Variants in GFRA1 observed in about 807,000 individuals in gnomAD.
GFRA1 encodes the protein GDNF family receptor alpha-1.
GFRA1 carries 16 observed loss-of-function variants against 51.6 expected under a neutral mutation model. The observed-to-expected ratio is 0.31, with a 90% CI of 0.21 to 0.47. GFRA1 has a LOEUF of 0.47. Ranked by LOEUF, GFRA1 falls within the 20% of genes least tolerant of loss-of-function variation. The probability of loss-of-function intolerance (pLI) is 1.00; values close to 1 mark genes in which losing one functional copy is unlikely to be tolerated. For synonymous variants in GFRA1, 270 were observed against 241.3 expected (o/e 1.12, Z -1.10); for missense variants, 530 against 594.3 (o/e 0.89, Z 1.13).
intron 5 of GFRA1, among the ~76,000 whole-genome samples, chr10:116,130,545 G>C (rs1377645390): frequency 6.6e-6 from 1 of 152,090 alleles, no homozygotes; most frequent in African/African-American, 2.4e-5. Flanking sequence ...GTGTGGTACA[G>C]TATAGGCATA....
chr10:116,204,568 C>A (rs1235017883), intron 5 of GFRA1, among the ~76,000 whole-genome samples: 1 of 152,156 alleles, frequency 6.6e-6, no homozygotes, highest in Non-Finnish European at 1.5e-5. Flanking sequence ...CCTGGAGCAT[C>A]TTCTAGTGCC....
rs1236773289 is a variant in GFRA1 at position 116,211,620 on chromosome 10, A to C, written c.433+11T>G. On this transcript the variant is annotated intron_variant, in intron 5 of 10. Coordinates refer to ENST00000355422, the MANE Select transcript of GFRA1 (RefSeq NM_005264.8). ...GCCAGTGAAAAAGCAGGCAGGAAAC[A>C]GTGAACTTACCTTGCTGAAAAACAT... is the stretch of plus-strand genomic sequence containing the variant. 6.4e-7 allele frequency: 1 copy of C among 1,550,568 alleles called. No individual in the cohort carries two copies. Among genetic ancestry groups the C allele is most frequent in the Admixed American group, 2.0e-5 (1 of 51,004 alleles).
chr10:116,146,361 T>C (rs1480519568), intron 5 of GFRA1, among the ~76,000 whole-genome samples: 2 of 152,250 alleles, frequency 1.3e-5, no homozygotes, highest in Non-Finnish European at 2.9e-5. Context: ...GAGAACCATA[T>C]TAGTTTGAGT....
chr10:116,124,873 C>T (rs1957788929), intron 6 of GFRA1, among the ~76,000 whole-genome samples: 1 of 152,164 alleles, frequency 6.6e-6, no homozygotes, highest in Non-Finnish European at 1.5e-5. Flanking sequence ...ACTGGCAGCC[C>T]TCAGGACTTG....
intron 5 of GFRA1, among the ~76,000 whole-genome samples, chr10:116,206,270 CA>C (rs1161769083): frequency 1.3e-5 from 2 of 152,104 alleles, no homozygotes; most frequent in African/African-American, 2.4e-5. Context: ...AAGACATTAT[CA>C]GGGGGAGCAT....
intron 4 of GFRA1, among the ~76,000 whole-genome samples, chr10:116,221,582 G>A (rs981080411): frequency 5.9e-5 from 9 of 152,012 alleles, no homozygotes; most frequent in African/African-American, 1.9e-4. Context: ...GTGCCACCAC[G>A]GCCAGCTAAT....
chr10:116,159,095 C>CT, intron 5 of GFRA1, among the ~76,000 whole-genome samples: 1 of 152,308 alleles, frequency 6.6e-6, no homozygotes, highest in South Asian at 2.1e-4. Flanking sequence ...CTATATTCAA[C>CT]TATGGACAAT....
In GFRA1 at chr10:116,064,382, TA is replaced by T; in HGVS notation, c.*15del. The T allele has an allele frequency of 6.2e-7, 1 of 1,609,308 alleles. No homozygotes were observed. The highest frequency in any genetic ancestry group is 8.5e-7 in the Non-Finnish European group (1 of 1,177,460). The stretch of plus-strand genomic sequence containing the variant: ...TTTGTCTTTTTACATGTCCATATTG[TA>T]TTTTTTTAATGCAGCTATGATGTTT... On this transcript the variant is annotated 3_prime_UTR_variant, in exon 11 of 11. Coordinates refer to ENST00000355422, the MANE Select transcript of GFRA1 (RefSeq NM_005264.8).
intron 4 of GFRA1, among the ~76,000 whole-genome samples, chr10:116,240,135 C>A (rs1967235482): frequency 6.6e-6 from 1 of 152,132 alleles, no homozygotes; most frequent in South Asian, 2.1e-4. Context: ...CAAGAAAATT[C>A]AAGTGACTGT....
chr10:116,235,560 A>G (rs1966857584), intron 4 of GFRA1, among the ~76,000 whole-genome samples: 1 of 152,004 alleles, frequency 6.6e-6, no homozygotes, highest in African/African-American at 2.4e-5. Context: ...TTGGGTTGAG[A>G]CTGTGGGGGG....
At position 116,147,760 on chromosome 10, in the gene GFRA1, C is replaced by T. The variant is rs192804410; in HGVS notation, c.434-22203G>A. 1.9e-4 allele frequency among the ~76,000 whole-genome samples: 29 copies of T among 152,122 alleles called. No individual in the cohort carries two copies. The East Asian group carries it at 5.2e-3, about 27-fold the overall frequency. ...AAAGCTCCTTTCCTAGAACTGGAGA[C>T]AACAGAAGAGGCAGCGACTCTGCAA... On this transcript the variant is annotated intron_variant, in intron 5 of 10. Coordinates refer to ENST00000355422, the MANE Select transcript of GFRA1 (RefSeq NM_005264.8).
At chr10:116,212,523 AACACACAC>A (rs71010072) in intron 4 of GFRA1, among the ~76,000 whole-genome samples, 15,743 of 142,612 alleles carry the variant, frequency 0.11, 920 homozygotes, top group African/African-American at 0.13. Flanking sequence ...TCCGTCTCAA[AACACACAC>A]ACACACACAC....
chr10:116,206,393 G>A (rs1210414412), intron 5 of GFRA1, among the ~76,000 whole-genome samples: 3 of 152,120 alleles, frequency 2.0e-5, no homozygotes, highest in Admixed American at 2.0e-4. Flanking sequence ...ATACGCAAAA[G>A]AGCTCAAGTC....
In GFRA1 at chr10:116,059,651, C is replaced by T. The variant is rs548988072; in HGVS notation, c.*4747G>A. The T allele has an allele frequency of 6.6e-6, 1 of 152,324 alleles. No individual in the cohort carries two copies. The highest frequency in any genetic ancestry group is 2.1e-4 in the South Asian group (1 of 4,830). The allele number at this position is 152,324 out of a possible 1,614,324, so 9.4% of individuals were successfully genotyped here. On this transcript the variant is annotated 3_prime_UTR_variant, in exon 11 of 11. Transcript: ENST00000355422. ...CACCCCTCTGGGCTGGGTCTCAGAA[C>T]AATCAGAAGTGCAGGTGGCACATTC... is the stretch of plus-strand genomic sequence containing the variant.
At chr10:116,212,379 A>G (rs759551061) in intron 4 of GFRA1, among the ~76,000 whole-genome samples, 19 of 151,848 alleles carry the variant, frequency 1.3e-4, no homozygotes, top group Non-Finnish European at 2.6e-4. Context: ...AATTAGCCAG[A>G]CGCAGTGGTG....
chr10:116,215,641 C>T (rs547711152), intron 4 of GFRA1, among the ~76,000 whole-genome samples: 6 of 152,324 alleles, frequency 3.9e-5, no homozygotes, highest in East Asian at 1.9e-4. Flanking sequence ...GAATAAGACT[C>T]GGGGCCATCT....
chr10:116,212,809 G>A (rs1965302095), intron 4 of GFRA1, among the ~76,000 whole-genome samples: 1 of 152,126 alleles, frequency 6.6e-6, no homozygotes, highest in East Asian at 1.9e-4. Flanking sequence ...ACATTGGGTT[G>A]TTCTCCACGT....
intron 6 of GFRA1, among the ~76,000 whole-genome samples, chr10:116,103,434 T>G (rs2694788): frequency 0.18 from 27,149 of 152,174 alleles, 2,464 homozygotes; most frequent in Middle Eastern, 0.23. Flanking sequence ...ACTTTCAACA[T>G]GCTACATCTA....
intron 5 of GFRA1, among the ~76,000 whole-genome samples, chr10:116,166,551 C>A (rs548107939): frequency 4.5e-4 from 69 of 152,220 alleles, no homozygotes; most frequent in African/African-American, 1.6e-3. Flanking sequence ...CTTTTCCCAA[C>A]AACACCTTCC....
Sources: allele counts gnomAD v4.1 joint callset (sites outside exome capture counted in the v4.1 genomes callset), GRCh38; gene constraint gnomAD v4.1.1; transcripts MANE v1.5; gene names NCBI Gene and HGNC (gene_info 2026-07-23, HGNC 2026-07-21).